APBB2: variants seen among roughly 807,000 people sequenced by gnomAD.
The protein encoded by APBB2 is amyloid beta precursor protein binding family B member 2.
APBB2 carries 38 observed loss-of-function variants against 82.5 expected under a neutral mutation model. The ratio of observed to expected loss-of-function variants is 0.46; its 90% CI spans 0.36 to 0.60. APBB2 has a LOEUF of 0.60. Among genes scored for constraint, APBB2 ranks in the 20% least tolerant of loss-of-function variants. APBB2 has a pLI of 0.00. For missense variants in APBB2, 772 were observed against 972.3 expected, an observed-to-expected ratio of 0.79 and a Z score of 2.74; for synonymous variants, 341 against 368.2, an observed-to-expected ratio of 0.93 and a Z score of 0.85.
chr4:40,903,909 CT>C (rs1236405631), intron 10 of APBB2, among the ~76,000 whole-genome samples: 1 of 152,074 alleles, frequency 6.6e-6, no homozygotes, highest in East Asian at 1.9e-4. Flanking sequence ...GAAGAAGAAC[CT>C]TTTTAATAAT....
intron 7 of APBB2, among the ~76,000 whole-genome samples, chr4:40,944,473 C>T (rs750910355): frequency 2.0e-5 from 3 of 152,142 alleles, no homozygotes; most frequent in Admixed American, 6.5e-5. Flanking sequence ...TAATAAGATA[C>T]GCAGTAATTA....
chr4:41,068,379 G>T (rs1265647732), intron 3 of APBB2, among the ~76,000 whole-genome samples: 1 of 152,126 alleles, frequency 6.6e-6, no homozygotes, highest in African/African-American at 2.4e-5. Flanking sequence ...GATAAATCTG[G>T]CTATAGTAAG....
At chr4:40,948,952 T>A (rs1232891197) in intron 6 of APBB2, among the ~76,000 whole-genome samples, 1 of 151,158 alleles carries the variant, frequency 6.6e-6, no homozygotes. Context: ...ACTTTATTAA[T>A]TTTATCAGTC....
At chr4:41,172,556 T>C (rs1768604785) in intron 1 of APBB2, among the ~76,000 whole-genome samples, 1 of 152,204 alleles carries the variant, frequency 6.6e-6, no homozygotes. Flanking sequence ...ATTAGGAGCA[T>C]CCAGAGGGCA....
intron 6 of APBB2, among the ~76,000 whole-genome samples, chr4:40,981,769 C>A (rs73809214): frequency 0.012 from 1,811 of 152,252 alleles, 40 homozygotes; most frequent in African/African-American, 0.042. Context: ...TATGCTTCTC[C>A]TATACGCAGA....
chr4:41,007,500 T>C (rs571014501), intron 6 of APBB2, among the ~76,000 whole-genome samples: 1 of 152,272 alleles, frequency 6.6e-6, no homozygotes, highest in South Asian at 2.1e-4. Context: ...AAATGGCCCT[T>C]TTCCTTGGCA....
At chr4:41,053,034 G>A (rs950520282) in intron 4 of APBB2, among the ~76,000 whole-genome samples, 3 of 151,978 alleles carry the variant, frequency 2.0e-5, no homozygotes, top group Non-Finnish European at 4.4e-5. Flanking sequence ...CAAAGTGCTG[G>A]GATTACAGGC....
chr4:41,191,165 G>A (rs1424920506), intron 1 of APBB2, among the ~76,000 whole-genome samples: 1 of 152,240 alleles, frequency 6.6e-6, no homozygotes, highest in Non-Finnish European at 1.5e-5. Context: ...CATGGGACCA[G>A]AGGACTGGAG....
intron 13 of APBB2, 41 bp from the exon 14 acceptor site, chr4:40,827,260 C>T: frequency 5.8e-6 from 9 of 1,558,034 alleles, no homozygotes; most frequent in Non-Finnish European, 8.0e-6. Context: ...TGGGTTCAAG[C>T]CCCCATGTCT....
intron 1 of APBB2, among the ~76,000 whole-genome samples, chr4:41,181,337 T>C (rs981730287): frequency 6.6e-6 from 1 of 152,212 alleles, no homozygotes; most frequent in Admixed American, 6.5e-5. Context: ...CCTTGGATAA[T>C]GGGAGACGAT....
intron 12 of APBB2, among the ~76,000 whole-genome samples, chr4:40,840,480 C>CTT: frequency 6.6e-6 from 1 of 152,204 alleles, no homozygotes; most frequent in Non-Finnish European, 1.5e-5. Context: ...AAAACACACA[C>CTT]ATGTAAGACT....
At chr4:41,110,726 C>T (rs1456675511) in intron 2 of APBB2, among the ~76,000 whole-genome samples, 1 of 152,074 alleles carries the variant, frequency 6.6e-6, no homozygotes, top group African/African-American at 2.4e-5. Context: ...ATCCCCTCTA[C>T]TTTGTGTTCT....
intron 12 of APBB2, among the ~76,000 whole-genome samples, chr4:40,864,064 C>T (rs1344380058): frequency 3.9e-5 from 6 of 151,942 alleles, no homozygotes; most frequent in Admixed American, 2.6e-4. Flanking sequence ...AGAGACCATC[C>T]TAGCCAACAT....
chr4:41,085,311 T>C (rs1306625912), intron 3 of APBB2, among the ~76,000 whole-genome samples: 2 of 149,776 alleles, frequency 1.3e-5, no homozygotes, highest in Admixed American at 6.6e-5. Flanking sequence ...AGAAGGTCAC[T>C]CACTGAATTA....
intron 12 of APBB2, among the ~76,000 whole-genome samples, chr4:40,858,454 CAAAAAAAAAAAA>C (rs34433911): frequency 0.012 from 677 of 57,762 alleles, 14 homozygotes; most frequent in Non-Finnish European, 0.014. Context: ...GAGTCCGTCT[CAAAAAAAAAAAA>C]AAAAAAAAAA....
chr4:40,992,964 T>C (rs1802563017), intron 6 of APBB2, among the ~76,000 whole-genome samples: 1 of 152,238 alleles, frequency 6.6e-6, no homozygotes, highest in African/African-American at 2.4e-5. Context: ...GTGTACACAA[T>C]CGTAGTCCCT....
Position 40,985,196 on chromosome 4 carries a change from G to A in APBB2, c.835+28387C>T, listed in dbSNP as rs1022066400. On this transcript the variant is annotated intron_variant, in intron 6 of 17. Coordinates refer to ENST00000508593, the MANE Select transcript of APBB2 (RefSeq NM_004307.2). ...TCCAACGTGTTGGGATTACAGGCGT[G>A]AGCCACTGTGTCCAGCCCCAGATGA... 2.6e-5 allele frequency among the ~76,000 whole-genome samples: 4 copies of A among 152,106 alleles called. No individual in the cohort carries two copies. The Middle Eastern group carries it at 0.01, about 388-fold the overall frequency.
chr4:41,025,886 G>A (rs1237952207), intron 5 of APBB2, among the ~76,000 whole-genome samples: 4 of 141,172 alleles, frequency 2.8e-5, no homozygotes, highest in African/African-American at 1.1e-4. Context: ...AGGTGGCATT[G>A]AGCCAAGATC....
At chr4:41,117,436 G>A (rs145271319) in intron 2 of APBB2, among the ~76,000 whole-genome samples, 6,435 of 151,794 alleles carry the variant, frequency 0.042, 202 homozygotes, top group Non-Finnish European at 0.06. Flanking sequence ...GGGATTACAG[G>A]TGCCCACCAC....
Sources: gnomAD v4.1 joint callset for allele counts (sites outside exome capture counted in the v4.1 genomes callset) on GRCh38, gnomAD v4.1.1 for gene constraint, MANE v1.5 for transcripts, NCBI Gene and HGNC (gene_info 2026-07-23, HGNC 2026-07-21) for gene names.